BNC2: variants seen among roughly 807,000 people sequenced by gnomAD.
BNC2 encodes the protein basonuclin zinc finger protein 2, also known as zinc finger protein basonuclin-2.
A neutral mutation model predicts 76.3 loss-of-function variants in BNC2; 20 were observed. The observed-to-expected ratio is 0.26, with a 90% confidence interval of 0.18 to 0.38. The LOEUF (loss-of-function observed/expected upper bound fraction) is 0.38, where lower values mean the gene tolerates loss of function less well. Among genes scored for constraint, BNC2 ranks in the 10% least tolerant of loss-of-function variants. The pLI, the probability that BNC2 is intolerant of heterozygous loss-of-function variation, is 1.00. For synonymous variants in BNC2, 582 were observed against 514.8 expected, an observed-to-expected ratio of 1.13 and a Z score of -1.77; for missense variants, 1,382 against 1,399.8, an observed-to-expected ratio of 0.99 and a Z score of 0.20.
chr9:16,558,729 G>A (rs1485566520), intron 4 of BNC2, among the ~76,000 whole-genome samples: 1 of 152,016 alleles, frequency 6.6e-6, no homozygotes, highest in Non-Finnish European at 1.5e-5. Flanking sequence ...AGGAGTTCGA[G>A]ACCAACCTGG....
intron 6 of BNC2, chr9:16,435,085 C>T (rs201129469): frequency 1.5e-4 from 73 of 471,250 alleles, no homozygotes; most frequent in Admixed American, 5.2e-4. Context: ...TCTTTCCATC[C>T]GTAAATTTCT....
chr9:16,468,642 C>T (rs547860402), intron 5 of BNC2, among the ~76,000 whole-genome samples: 6 of 152,160 alleles, frequency 3.9e-5, no homozygotes, highest in South Asian at 4.1e-4. Context: ...GATCCCACCT[C>T]GGCCTCCCAA....
chr9:16,510,032 C>T (rs111990823), intron 5 of BNC2, among the ~76,000 whole-genome samples: 3 of 152,298 alleles, frequency 2.0e-5, no homozygotes, highest in Admixed American at 6.5e-5. Context: ...GCTAAAAGAC[C>T]TGTTTGTATC....
At chr9:16,699,292 G>A in intron 3 of BNC2, 2 of 449,432 alleles carry the variant, frequency 4.5e-6, no homozygotes, top group South Asian at 1.7e-5. Context: ...AGGAAGACAG[G>A]CCAACAGAAT....
At chr9:16,734,751 C>T (rs1563919870) in intron 2 of BNC2, among the ~76,000 whole-genome samples, 1 of 152,196 alleles carries the variant, frequency 6.6e-6, no homozygotes, top group Non-Finnish European at 1.5e-5. Flanking sequence ...TAACCACTCA[C>T]CTACAGGGAG....
In BNC2 at chr9:16,727,789, T is replaced by C; in HGVS notation, c.330+8A>G. ...AGAAAAAAAAAATCAAGAAAGAAAGTAACTTACCTGTTGGGACATTCTGAA... is the reference window on the plus strand; with the variant it reads ...AGAAAAAAAAAATCAAGAAAGAAAGCAACTTACCTGTTGGGACATTCTGAA... On this transcript the variant is annotated splice_region_variant and intron_variant, in intron 3 of 6. Transcript: ENST00000380672. 6.2e-7 allele frequency: 1 copy of C among 1,609,242 alleles called. No homozygotes were observed. Among genetic ancestry groups the C allele is most frequent in the Non-Finnish European group, 8.5e-7 (1 of 1,177,762 alleles).
chr9:16,553,418 TTAGA>T (rs1370452722), intron 4 of BNC2, among the ~76,000 whole-genome samples: 3 of 152,226 alleles, frequency 2.0e-5, no homozygotes, highest in African/African-American at 4.8e-5. Context: ...TAGTCACCTG[TTAGA>T]TAGCTTTTGT....
At position 16,427,235 on chromosome 9, in the gene BNC2, C is replaced by T. The variant is rs148169676; in HGVS notation, c.2640-7586G>A. ...CTTCCATTCTCAATGCAAACTGCCA[C>T]GCATAGGAGCTCTGCAGTCTATTAG... On this transcript the variant is annotated intron_variant, in intron 6 of 6. Coordinates refer to ENST00000380672, the MANE Select transcript of BNC2 (RefSeq NM_017637.6). 1.2e-4 allele frequency among the ~76,000 whole-genome samples: 18 copies of T among 152,310 alleles called. No individual in the cohort carries two copies. In the East Asian group the frequency reaches 1.4e-3, roughly 11 times the overall value.
At chr9:16,590,609 C>A (rs1445966758) in intron 3 of BNC2, among the ~76,000 whole-genome samples, 1 of 152,062 alleles carries the variant, frequency 6.6e-6, no homozygotes, top group Non-Finnish European at 1.5e-5. Context: ...GAGCCAAAGA[C>A]CAGCCTGGAC....
chr9:16,664,309 G>A (rs77575848), intron 3 of BNC2, among the ~76,000 whole-genome samples: 2,899 of 152,198 alleles, frequency 0.019, 97 homozygotes, highest in African/African-American at 0.064. Context: ...GTTGCTCAGA[G>A]GCATGCTAAA....
Position 16,436,429 on chromosome 9 carries a change from G to A in BNC2, c.1765C>T (p.Leu589Phe), listed in dbSNP as rs1306656977. 4.3e-6 allele frequency: 7 copies of A among 1,613,994 alleles called. No individual in the cohort carries two copies. The highest frequency in any genetic ancestry group is 5.9e-6 in the Non-Finnish European group (7 of 1,180,034). Residue 589 changes from leucine to phenylalanine, a missense_variant, in exon 6 of 7, where the codon CTC (leucine) becomes TTC (phenylalanine). Physicochemically the swap from Leu to Phe is conservative, Grantham distance 22. Transcript: ENST00000380672. Reference sequence around the variant, plus strand: ...GTTGGAATGATGGGACTGGTTGGGAGGGAGGTTGGAGGACTCACCATTTCC... The same window carrying A: ...GTTGGAATGATGGGACTGGTTGGGAAGGAGGTTGGAGGACTCACCATTTCC... ...PGEMVSPPTSLPTSPIIPTSG... is the reference protein window; with the variant it reads ...PGEMVSPPTSFPTSPIIPTSG...
intron 3 of BNC2, among the ~76,000 whole-genome samples, chr9:16,685,296 G>C (rs1261735260): frequency 6.6e-6 from 1 of 152,228 alleles, no homozygotes; most frequent in African/African-American, 2.4e-5. Context: ...ACTCTAGGTA[G>C]TCAACCTTCA....
chr9:16,630,723 G>A (rs575017805), intron 3 of BNC2, among the ~76,000 whole-genome samples: 1 of 143,466 alleles, frequency 7.0e-6, no homozygotes, highest in African/African-American at 2.7e-5. Context: ...CAAAACCTGT[G>A]TATTATTTAA....
intron 1 of BNC2, among the ~76,000 whole-genome samples, chr9:16,828,527 T>C (rs1401818772): frequency 6.6e-6 from 1 of 152,190 alleles, no homozygotes; most frequent in Non-Finnish European, 1.5e-5. Flanking sequence ...CATTTTCTAC[T>C]TGTGAAGTAA....
intron 3 of BNC2, among the ~76,000 whole-genome samples, chr9:16,653,713 T>TGCA (rs1252297744): frequency 9.2e-5 from 14 of 152,184 alleles, no homozygotes; most frequent in African/African-American, 3.4e-4. Flanking sequence ...AATAGTTGTC[T>TGCA]GCACCATACC....
rs549564064 is a variant in BNC2 at position 16,687,745 on chromosome 9, G to A, written c.330+40052C>T. Among the ~76,000 whole-genome samples the A allele has an allele frequency of 1.1e-4, 17 of 152,222 alleles. 1 individual carries two copies. The highest frequency in any genetic ancestry group is 3.4e-3 in the Middle Eastern group (1 of 294). ...ACTTACCTTAAGATTATTTGACCAC[G>A]TCACAAACACTAAGTTTCTAGTTCT... On this transcript the variant is annotated intron_variant, in intron 3 of 6. Coordinates refer to ENST00000380672, the MANE Select transcript of BNC2 (RefSeq NM_017637.6).
In BNC2 at chr9:16,498,308, T is replaced by G. The variant is rs1301196394; in HGVS notation, c.669+54222A>C. Among the ~76,000 whole-genome samples, 2 of 145,054 alleles carry G rather than the reference T, an allele frequency of 1.4e-5. 1 individual carries two copies. The highest frequency in any genetic ancestry group is 3.9e-4 in the East Asian group (2 of 5,078). On this transcript the variant is annotated intron_variant, in intron 5 of 6. Coordinates refer to ENST00000380672, the MANE Select transcript of BNC2 (RefSeq NM_017637.6). ...ATATATATTCCATCATATATATATA[T>G]GAATATATGATGGAACACTACGCAG...
chr9:16,459,421 T>C (rs1414861990), intron 5 of BNC2, among the ~76,000 whole-genome samples: 1 of 152,168 alleles, frequency 6.6e-6, no homozygotes, highest in African/African-American at 2.4e-5. Context: ...TAAAGCTCTC[T>C]GCAAAGGATT....
intron 3 of BNC2, among the ~76,000 whole-genome samples, chr9:16,661,668 T>C (rs986932268): frequency 2.0e-5 from 3 of 152,196 alleles, no homozygotes; most frequent in Non-Finnish European, 4.4e-5. Flanking sequence ...TATTTTCATG[T>C]CTATTTCTAA....
Sources: gnomAD v4.1 joint callset for allele counts (sites outside exome capture counted in the v4.1 genomes callset) on GRCh38, gnomAD v4.1.1 for gene constraint, MANE v1.5 for transcripts, NCBI Gene and HGNC (gene_info 2026-07-23, HGNC 2026-07-21) for gene names.